The following TYMS variants were observed in gnomAD, a reference collection of about 807,000 sequenced individuals.
The protein encoded by TYMS is thymidylate synthetase, also known as thymidylate synthase.
TYMS carries 21 observed loss-of-function variants against 39.3 expected under a neutral mutation model. The ratio of observed to expected loss-of-function variants is 0.54; its 90% CI spans 0.38 to 0.77. The LOEUF (loss-of-function observed/expected upper bound fraction) is 0.77. TYMS is among the 30% of genes least tolerant of loss of function. TYMS has a pLI of 0.00. For synonymous variants in TYMS, 171 were observed against 162.2 expected (o/e 1.05, Z -0.41); for missense variants, 273 against 406.7 (o/e 0.67, Z 2.83).
Position 657,801 on chromosome 18 carries a change from G to C in TYMS, c.59G>C (p.Arg20Pro). ...RRPLPPAAQERDAEPRPPHGE... is the reference protein window; with the variant it reads ...RRPLPPAAQEPDAEPRPPHGE... ...CCCTTGCCCCCCGCCGCACAGGAGC[G>C]GGACGCCGAGCCGCGTCCGCCGCAC... Residue 20 changes from arginine (R) to proline (P), a missense_variant, in exon 1 of 7, where the codon CGG becomes CCG. Physicochemically the swap from Arg to Pro is moderately radical, Grantham distance 103. This residue lies in a region of TYMS where 228 missense variants were observed against 326.1 expected (regional missense o/e 0.70). Coordinates refer to ENST00000323274, the MANE Select transcript of TYMS (RefSeq NM_001071.4). The C allele has an allele frequency of 6.8e-7, 1 of 1,463,368 alleles. No homozygotes were observed. Among genetic ancestry groups the C allele is most frequent in the South Asian group, 1.4e-5 (1 of 72,088 alleles). 90.6% of individuals were successfully genotyped at this position (1,463,368 alleles called of 1,614,324 possible). A position where few individuals can be genotyped will look rare whatever the true frequency, so the allele number is the denominator to read the frequency against.
intron 3 of TYMS, among the ~76,000 whole-genome samples, chr18:666,938 G>C (rs566485183): frequency 2.3e-4 from 9 of 39,924 alleles, no homozygotes; most frequent in African/African-American, 6.0e-4. Context: ...GATGGTGATG[G>C]AGATGGTGAT....
At position 658,242 on chromosome 18, in the gene TYMS, C is replaced by T. The variant is rs2074713839; in HGVS notation, c.205+295C>T. ...GTGATGCCGTGGCCCCCGAGGCGGG[C>T]GTCATCGGGCAGCGTTTGCCCAGTG... On this transcript the variant is annotated intron_variant, in intron 1 of 6. Transcript: ENST00000323274. The surrounding 1 kb of genome is among the most constrained non-coding windows in gnomAD (Gnocchi z 4.5). 1.3e-6 allele frequency: 2 copies of T among 1,485,778 alleles called. No homozygotes were observed. The highest frequency in any genetic ancestry group is 1.4e-5 in the African/African-American group (1 of 71,648). 92.0% of individuals were successfully genotyped at this position (1,485,778 alleles called of 1,614,324 possible). A position where few individuals can be genotyped will look rare whatever the true frequency, so the allele number is the denominator to read the frequency against.
chr18:664,541 C>T lies in TYMS; in HGVS notation c.454+2221C>T, dbSNP rs371227795. On this transcript the variant is annotated intron_variant, in intron 3 of 6. Coordinates refer to ENST00000323274, the MANE Select transcript of TYMS (RefSeq NM_001071.4). ...TCCTGCCTAATTGCCCTGGCCAGAA[C>T]TTCCAACACTATGTTGAATAGGAGT... 1.1e-4 allele frequency among the ~76,000 whole-genome samples: 15 copies of T among 136,800 alleles called. No homozygotes were observed. In the East Asian group the frequency reaches 1.9e-3, roughly 18 times the overall value. 89.7% of individuals were successfully genotyped at this position (136,800 alleles called of 152,430 possible).
chr18:673,294 A>G lies in TYMS; in HGVS notation c.*297A>G. The stretch of plus-strand genomic sequence containing the variant: ...AGCAAAAACATGTATGTGCATTTCA[A>G]TCCCACGTACTTATAAAGAAGGTTG... On this transcript the variant is annotated 3_prime_UTR_variant, in exon 7 of 7. Transcript: ENST00000323274. The G allele has an allele frequency of 3.8e-6, 1 of 260,374 alleles. No individual in the cohort carries two copies. Among genetic ancestry groups the G allele is most frequent in the Non-Finnish European group, 7.3e-6 (1 of 136,216 alleles). 16.1% of individuals were successfully genotyped at this position (260,374 alleles called of 1,614,324 possible).
chr18:661,176 ATTTC>A (rs144825488), intron 2 of TYMS, among the ~76,000 whole-genome samples: 1 of 152,294 alleles, frequency 6.6e-6, no homozygotes, highest in African/African-American at 2.4e-5. Context: ...TTTGTTGGAA[ATTTC>A]TTTGATTCTT....
Position 670,717 on chromosome 18 carries a change from A to C in TYMS, c.582A>C (p.Pro194=). ...ATCTTCCTCTGATGGCGCTGCCTCCATGCCATGCCCTCTGCCAGTTCTATG... is the reference window on the plus strand; with the variant it reads ...ATCTTCCTCTGATGGCGCTGCCTCCCTGCCATGCCCTCTGCCAGTTCTATG... The part of the protein sequence containing the change: ...PRDLPLMALP[P]CHALCQFYVV... The change falls in exon 5 of 7, where the codon CCA becomes CCC. Residue 194 remains proline (P), a synonymous_variant. Transcript: ENST00000323274. The C allele has an allele frequency of 6.2e-7, 1 of 1,614,058 alleles. No individual in the cohort carries two copies. Among genetic ancestry groups the C allele is most frequent in the Non-Finnish European group, 8.5e-7 (1 of 1,179,986 alleles).
intron 3 of TYMS, among the ~76,000 whole-genome samples, chr18:663,364 T>A (rs903740960): frequency 1.3e-5 from 1 of 78,950 alleles, no homozygotes; most frequent in African/African-American, 7.7e-5. Context: ...GATGGGGTTG[T>A]TTGTTTTTTT....
intron 1 of TYMS, 23 bp from the exon 2 acceptor site, chr18:659,618 C>G: frequency 6.2e-7 from 1 of 1,608,066 alleles, no homozygotes; most frequent in Non-Finnish European, 8.5e-7. Flanking sequence ...CATCTTGAAA[C>G]CGTATGGCAA....
At chr18:669,937 G>C (rs2074955203) in intron 4 of TYMS, among the ~76,000 whole-genome samples, 1 of 151,682 alleles carries the variant, frequency 6.6e-6, no homozygotes, top group Non-Finnish European at 1.5e-5. Flanking sequence ...ACTCCAGCCT[G>C]GGCAACAGAG....
rs1160266911 is a variant in TYMS, at chr18:660,481, G to A, written c.279+767G>A. 6.6e-6 allele frequency among the ~76,000 whole-genome samples: 1 copy of A among 152,216 alleles called. No individual in the cohort carries two copies. The highest frequency in any genetic ancestry group is 1.5e-5 in the Non-Finnish European group (1 of 68,050). ...AAGTGAAATGTGCTGTAAGCTTTAT[G>A]AGGGCAGAGGATTTGTTTCTCGTGT... On this transcript the variant is annotated intron_variant, in intron 2 of 6. Coordinates refer to ENST00000323274, the MANE Select transcript of TYMS (RefSeq NM_001071.4). The surrounding 1 kb of genome is among the most constrained non-coding windows in gnomAD (Gnocchi z 4.6).
At chr18:664,127 TATTG>T (rs1363770189) in intron 3 of TYMS, among the ~76,000 whole-genome samples, 1 of 151,430 alleles carries the variant, frequency 6.6e-6, no homozygotes, top group Non-Finnish European at 1.5e-5. Flanking sequence ...ATTTTCACGA[TATTG>T]ATTCTTCCTA....
intron 3 of TYMS, among the ~76,000 whole-genome samples, chr18:668,027 T>TC (rs2074891192): frequency 7.2e-6 from 1 of 139,044 alleles, no homozygotes; most frequent in Non-Finnish European, 1.5e-5. Flanking sequence ...ACAGAAAGTT[T>TC]CCCTGGACAC....
chr18:662,021 C>T, intron 2 of TYMS, 125 bp from the exon 3 acceptor site: 1 of 1,004,136 alleles, frequency 1.0e-6, no homozygotes, highest in Non-Finnish European at 1.4e-6. Context: ...TGGGTGGTGT[C>T]AAGTGCCCAC....
chr18:671,397 C>T lies in TYMS; in HGVS notation c.750C>T (p.His250=), dbSNP rs1165905499. The T allele has an allele frequency of 2.5e-6, 4 of 1,612,244 alleles. No homozygotes were observed. The highest frequency in any genetic ancestry group is 1.3e-5 in the African/African-American group (1 of 74,856). The part of the protein sequence containing the change: ...ITGLKPGDFI[H]TLGDAHIYLN... ...GTTTATAGCCAGGTGACTTTATACA[C>T]ACTTTGGGAGATGCACATATTTACC... is the stretch of plus-strand genomic sequence containing the variant. Residue 250 remains histidine, a synonymous_variant, in exon 6 of 7, where the codon CAC becomes CAT. Transcript: ENST00000323274.
rs1271725163 is a variant in TYMS at position 666,938 on chromosome 18, GAGA to G, written c.455-2133_455-2131del. On this transcript the variant is annotated intron_variant, in intron 3 of 6. Coordinates refer to ENST00000323274, the MANE Select transcript of TYMS (RefSeq NM_001071.4). ...GGTGATGGAGATGGTGATGGTGATG[GAGA>G]TGGTGATGGTGATGGAGATGGAGAT... Among the ~76,000 whole-genome samples the G allele has an allele frequency of 5.3e-3, 210 of 39,884 alleles. 28 individuals carry two copies. Among genetic ancestry groups the G allele is most frequent in the Middle Eastern group, 9.3e-3 (1 of 108 alleles). 26.2% of individuals were successfully genotyped at this position (39,884 alleles called of 152,430 possible).
intron 3 of TYMS, among the ~76,000 whole-genome samples, chr18:665,480 A>G (rs1324014679): frequency 2.7e-5 from 4 of 146,794 alleles, no homozygotes; most frequent in South Asian, 2.2e-4. Flanking sequence ...TGGATTCATT[A>G]ATTTTTTGAA....
At chr18:664,695 A>G (rs1426071163) in intron 3 of TYMS, among the ~76,000 whole-genome samples, 2 of 150,818 alleles carry the variant, frequency 1.3e-5, no homozygotes, top group Non-Finnish European at 2.9e-5. Context: ...ATGTCCCATC[A>G]ATACCTAATT....
In TYMS at chr18:672,234, C is replaced by CA. The variant is rs1281948552; in HGVS notation, c.805-625dup. ...TTCATGAGCCTTAAGGAAAAAAACT[C>CA]AGAACCAGACACTTTTTAGCCCCTT... On this transcript the variant is annotated intron_variant, in intron 6 of 6. Coordinates refer to ENST00000323274, the MANE Select transcript of TYMS (RefSeq NM_001071.4). 2.0e-5 allele frequency: 3 copies of CA among 152,284 alleles called. No individual in the cohort carries two copies. The East Asian group carries it at 5.8e-4, about 29-fold the overall frequency. 9.4% of individuals were successfully genotyped at this position (152,284 alleles called of 1,614,324 possible).
intron 3 of TYMS, among the ~76,000 whole-genome samples, chr18:666,127 C>A (rs2074810830): frequency 9.9e-6 from 1 of 101,320 alleles, no homozygotes; most frequent in African/African-American, 6.3e-5. Flanking sequence ...TTAAAGTCTC[C>A]CATTATTAAT....
Sources: gnomAD v4.1 joint callset for allele counts (sites outside exome capture counted in the v4.1 genomes callset) on GRCh38, gnomAD v4.1.1 for gene constraint, gnomAD v4.1.1 regional missense constraint, Gnocchi (gnomAD v3.1) non-coding constraint, MANE v1.5 for transcripts, NCBI Gene and HGNC (gene_info 2026-07-23, HGNC 2026-07-21) for gene names.